RELN: variants seen among roughly 807,000 people sequenced by gnomAD.
RELN encodes the protein reelin.
Under a neutral mutation model 427.6 loss-of-function variants are expected in RELN, and 108 were observed. The observed-to-expected ratio is 0.25, with a 90% CI of 0.22 to 0.30. The LOEUF is 0.30. RELN is among the 10% of genes least tolerant of loss of function. RELN has a pLI of 1.00. For synonymous variants in RELN, 1,524 were observed against 1,513.4 expected (o/e 1.01, Z -0.16); for missense variants, 3,715 against 4,302.8 (o/e 0.86, Z 3.82).
chr7:103,514,418 G>C (rs189633356), intron 50 of RELN, among the ~76,000 whole-genome samples: 1 of 152,292 alleles, frequency 6.6e-6, no homozygotes, highest in Admixed American at 6.5e-5. Context: ...TCAGCACACT[G>C]GGAGGCCGAG....
At chr7:103,952,839 G>C (rs1179369648) in intron 1 of RELN, among the ~76,000 whole-genome samples, 1 of 152,052 alleles carries the variant, frequency 6.6e-6, no homozygotes, top group African/African-American at 2.4e-5. Flanking sequence ...ACTCACAGAG[G>C]ATGAAAAAAT....
intron 1 of RELN, among the ~76,000 whole-genome samples, chr7:103,975,712 A>AT (rs1187478144): frequency 0.15 from 18,470 of 121,942 alleles, 1,680 homozygotes; most frequent in Middle Eastern, 0.27. Context: ...CGCCTGGCTG[A>AT]TTTTTTTTTT....
intron 6 of RELN, among the ~76,000 whole-genome samples, chr7:103,733,204 G>A (rs1790400153): frequency 6.6e-6 from 1 of 151,988 alleles, no homozygotes; most frequent in Non-Finnish European, 1.5e-5. Flanking sequence ...CATCATCACT[G>A]GCCATCAGAG....
intron 1 of RELN, among the ~76,000 whole-genome samples, chr7:103,926,887 C>T (rs1020142949): frequency 9.5e-6 from 1 of 104,818 alleles, no homozygotes; most frequent in African/African-American, 4.6e-5. Flanking sequence ...ACCTCGTGAT[C>T]CACCCCCTTG....
chr7:103,668,728 A>G (rs2115607253), intron 11 of RELN, among the ~76,000 whole-genome samples: 1 of 152,324 alleles, frequency 6.6e-6, no homozygotes, highest in Admixed American at 6.5e-5. Flanking sequence ...ATCATTCGCA[A>G]ATTAACCAGG....
chr7:103,980,161 C>T (rs1356964667), intron 1 of RELN, among the ~76,000 whole-genome samples: 3 of 88,606 alleles, frequency 3.4e-5, no homozygotes, highest in Non-Finnish European at 7.1e-5. Flanking sequence ...ACTCTGTCTC[C>T]AAAAAAAAAA....
chr7:103,575,671 A>C lies in RELN; in HGVS notation c.4180T>G (p.Ser1394Ala), dbSNP rs757060038. Residue 1394 changes from serine (S) to alanine (A), a missense_variant, in exon 29 of 65, where the codon TCA becomes GCA. Ser to Ala is a moderately conservative substitution (Grantham distance 99, BLOSUM62 1). Around this residue, in one of 4 missense-constraint regions of RELN, gnomAD observed 2,208 missense variants for 2,361.7 expected, o/e 0.93. Transcript: ENST00000428762. ...TRFRWIQESS[S>A]QKNVPPFGLD... ...CCAAATGGAGGCACGTTTTTCTGTGAGCTGCTCTCCTGGATCCATCGGAAT... is the reference window on the plus strand; with the variant it reads ...CCAAATGGAGGCACGTTTTTCTGTGCGCTGCTCTCCTGGATCCATCGGAAT... The C allele has an allele frequency of 1.2e-6, 2 of 1,614,192 alleles. No individual in the cohort carries two copies. The highest frequency in any genetic ancestry group is 2.2e-5 in the South Asian group (2 of 91,084).
At chr7:103,782,426 G>A (rs1418634750) in intron 3 of RELN, among the ~76,000 whole-genome samples, 1 of 152,096 alleles carries the variant, frequency 6.6e-6, no homozygotes, top group Non-Finnish European at 1.5e-5. Flanking sequence ...CTAGGCAACA[G>A]ACTCCCTATC....
intron 47 of RELN, 110 bp downstream of exon 47, chr7:103,523,281 G>A (rs1466622563): frequency 1.6e-6 from 2 of 1,236,124 alleles, no homozygotes; most frequent in Non-Finnish European, 2.3e-6. Context: ...AGAAAAAAAT[G>A]TATAACTTAA....
chr7:103,769,888 T>C (rs1035584260), intron 4 of RELN, among the ~76,000 whole-genome samples: 5 of 152,314 alleles, frequency 3.3e-5, no homozygotes, highest in Admixed American at 6.5e-5. Flanking sequence ...TTCCTGGCTC[T>C]TAGGAGCGAC....
At chr7:103,879,646 G>C (rs1379900191) in intron 2 of RELN, among the ~76,000 whole-genome samples, 1 of 152,172 alleles carries the variant, frequency 6.6e-6, no homozygotes, top group Non-Finnish European at 1.5e-5. Context: ...GCCAGTGGTA[G>C]CTAGAACAGA....
intron 12 of RELN, among the ~76,000 whole-genome samples, chr7:103,658,176 C>T (rs992609252): frequency 6.6e-6 from 1 of 151,978 alleles, no homozygotes; most frequent in Non-Finnish European, 1.5e-5. Flanking sequence ...GTGTTGAATA[C>T]GTCAATATAT....
chr7:103,619,022 G>A (rs530248551), intron 20 of RELN, among the ~76,000 whole-genome samples: 1 of 152,168 alleles, frequency 6.6e-6, no homozygotes, highest in African/African-American at 2.4e-5. Context: ...GGAGGCTGAG[G>A]CAGGAGAATG....
chr7:103,581,226 G>A (rs1288778674), intron 28 of RELN, among the ~76,000 whole-genome samples: 1 of 152,158 alleles, frequency 6.6e-6, no homozygotes, highest in Non-Finnish European at 1.5e-5. Flanking sequence ...AGAGGAGGGA[G>A]CCCTAGTAAC....
At chr7:103,878,990 G>A (rs1223444170) in intron 2 of RELN, among the ~76,000 whole-genome samples, 2 of 152,166 alleles carry the variant, frequency 1.3e-5, no homozygotes, top group Non-Finnish European at 2.9e-5. Flanking sequence ...ACCTCAGGCT[G>A]AGACCCTAAT....
chr7:103,870,556 C>G (rs1378882893), intron 2 of RELN, among the ~76,000 whole-genome samples: 1 of 152,016 alleles, frequency 6.6e-6, no homozygotes, highest in African/African-American at 2.4e-5. Flanking sequence ...ACTGGTAATT[C>G]TAGAGGAGGT....
intron 63 of RELN, 180 bp downstream of exon 63, chr7:103,482,693 C>A (rs1239516077): frequency 1.2e-6 from 1 of 815,764 alleles, no homozygotes; most frequent in East Asian, 1.2e-4. Context: ...TCATTCGGGG[C>A]TTTGCTATTT....
At chr7:103,808,986 A>T (rs943609319) in intron 3 of RELN, among the ~76,000 whole-genome samples, 17 of 152,296 alleles carry the variant, frequency 1.1e-4, no homozygotes, top group South Asian at 4.1e-4. Context: ...TAAAATGTAC[A>T]TCATCAAGAA....
intron 2 of RELN, among the ~76,000 whole-genome samples, chr7:103,863,100 G>A (rs1001065551): frequency 6.6e-6 from 1 of 152,106 alleles, no homozygotes; most frequent in African/African-American, 2.4e-5. Context: ...AGCTCATCAA[G>A]AGAGACTGAA....
Sources: allele counts gnomAD v4.1 joint callset (sites outside exome capture counted in the v4.1 genomes callset), GRCh38; gene constraint gnomAD v4.1.1; regional missense constraint gnomAD v4.1.1; transcripts MANE v1.5; gene names NCBI Gene and HGNC (gene_info 2026-07-23, HGNC 2026-07-21).